Variants in PPFIA2 observed in about 807,000 individuals in gnomAD.
PPFIA2 encodes the protein PPFI scaffold protein A2.
A neutral mutation model predicts 175.5 loss-of-function variants in PPFIA2; 46 were observed. The observed-to-expected ratio is 0.26, with a 90% CI of 0.21 to 0.34. The LOEUF (loss-of-function observed/expected upper bound fraction) is 0.34. Among genes scored for constraint, PPFIA2 ranks in the 10% least tolerant of loss-of-function variants. The pLI is 1.00. For synonymous variants in PPFIA2, 568 were observed against 511.4 expected (o/e 1.11, Z -1.49); for missense variants, 1,179 against 1,506.1 (o/e 0.78, Z 3.60).
chr12:81,441,183 ATAT>A (rs1412686115), intron 6 of PPFIA2, among the ~76,000 whole-genome samples: 1 of 151,860 alleles, frequency 6.6e-6, no homozygotes, highest in Non-Finnish European at 1.5e-5. Context: ...TGGAATTATA[ATAT>A]TATTTTTCCA....
At chr12:81,729,545 A>G (rs1211347224) in intron 3 of PPFIA2, among the ~76,000 whole-genome samples, 1 of 151,600 alleles carries the variant, frequency 6.6e-6, no homozygotes, top group Non-Finnish European at 1.5e-5. Context: ...TGCGGTAAAC[A>G]GAACAGCCCC....
chr12:81,455,653 C>T (rs535445075), intron 5 of PPFIA2, among the ~76,000 whole-genome samples: 6 of 152,162 alleles, frequency 3.9e-5, no homozygotes, highest in East Asian at 3.9e-4. Flanking sequence ...GAAAATTGTA[C>T]GGATTCTGTC....
chr12:81,582,490 G>A (rs565040700), intron 4 of PPFIA2, among the ~76,000 whole-genome samples: 7 of 151,846 alleles, frequency 4.6e-5, no homozygotes, highest in African/African-American at 1.7e-4. Flanking sequence ...AGGCCTGTGA[G>A]TGTATTTGAC....
intron 6 of PPFIA2, among the ~76,000 whole-genome samples, 187 bp from the exon 7 acceptor site, chr12:81,440,233 T>C (rs908382805): frequency 1.3e-5 from 2 of 152,176 alleles, no homozygotes; most frequent in South Asian, 2.1e-4. Context: ...GTATTGTCAC[T>C]GTATCAAGGG....
chr12:81,721,489 G>A (rs975227344), intron 3 of PPFIA2, among the ~76,000 whole-genome samples: 2 of 149,876 alleles, frequency 1.3e-5, no homozygotes, highest in African/African-American at 2.4e-5. Context: ...ACACACATAT[G>A]CATACATCTA....
chr12:81,649,248 A>G (rs2066641025), intron 4 of PPFIA2, among the ~76,000 whole-genome samples: 1 of 152,186 alleles, frequency 6.6e-6, no homozygotes, highest in South Asian at 2.1e-4. Flanking sequence ...AGAACTCTGA[A>G]ACCTCCATAA....
chr12:81,739,324 TG>T (rs969312069), intron 3 of PPFIA2, among the ~76,000 whole-genome samples: 1 of 152,054 alleles, frequency 6.6e-6, no homozygotes, highest in Non-Finnish European at 1.5e-5. Flanking sequence ...CAACATCAAC[TG>T]CCACAGATTA....
intron 4 of PPFIA2, among the ~76,000 whole-genome samples, chr12:81,569,225 A>G (rs1014442781): frequency 2.6e-5 from 4 of 152,136 alleles, no homozygotes; most frequent in Non-Finnish European, 5.9e-5. Context: ...TTTATCTTTA[A>G]CAAATAAAAA....
intron 4 of PPFIA2, among the ~76,000 whole-genome samples, chr12:81,652,163 T>C (rs1026145191): frequency 6.6e-6 from 1 of 150,510 alleles, no homozygotes; most frequent in Non-Finnish European, 1.5e-5. Flanking sequence ...AAATTTGAAA[T>C]TGGCTATTTG....
chr12:81,376,008 G>A, intron 9 of PPFIA2, 66 bp from the exon 10 acceptor site: 1 of 1,392,146 alleles, frequency 7.2e-7, no homozygotes, highest in Non-Finnish European at 9.9e-7. Context: ...TGTCTTGTTA[G>A]TTAAATAAAA....
chr12:81,405,895 G>A lies in PPFIA2; in HGVS notation c.654C>T (p.Ala218=). ...ELAAANQEIV[A]LREQNVHIQR... ...GTATATGAACATTTTGTTCACGCAA[G>A]GCAACAATCTGCAAAATAAAAGCAC... Residue 218 remains alanine, a synonymous_variant, in exon 8 of 33, where the codon GCC becomes GCT. Coordinates refer to ENST00000549396, the MANE Select transcript of PPFIA2 (RefSeq NM_003625.5). The A allele has an allele frequency of 6.4e-7, 1 of 1,556,090 alleles. No individual in the cohort carries two copies. The highest frequency in any genetic ancestry group is 1.2e-5 in the South Asian group (1 of 84,080).
At chr12:81,542,122 G>A (rs2066318410) in intron 4 of PPFIA2, among the ~76,000 whole-genome samples, 1 of 152,106 alleles carries the variant, frequency 6.6e-6, no homozygotes. Flanking sequence ...TTTGAGAAGA[G>A]TTTATTCTGG....
chr12:81,338,540 C>T (rs1186855616), intron 21 of PPFIA2, among the ~76,000 whole-genome samples: 3 of 151,688 alleles, frequency 2.0e-5, no homozygotes, highest in Non-Finnish European at 4.4e-5. Context: ...TATTCTTTTC[C>T]CCACATCCAT....
At chr12:81,524,904 T>A (rs1435788493) in intron 4 of PPFIA2, among the ~76,000 whole-genome samples, 1 of 152,172 alleles carries the variant, frequency 6.6e-6, no homozygotes, top group African/African-American at 2.4e-5. Context: ...GAGATTAGTG[T>A]CCTTATTAAA....
intron 8 of PPFIA2, among the ~76,000 whole-genome samples, chr12:81,398,160 T>G (rs183405294): frequency 6.6e-6 from 1 of 152,084 alleles, no homozygotes; most frequent in African/African-American, 2.4e-5. Flanking sequence ...TCCACAAAAC[T>G]GGTTCCTGTT....
chr12:81,371,781 T>C (rs1315258504), intron 11 of PPFIA2, among the ~76,000 whole-genome samples: 1 of 151,796 alleles, frequency 6.6e-6, no homozygotes, highest in African/African-American at 2.4e-5. Flanking sequence ...GAGCCCAAAG[T>C]AATCTTTATT....
chr12:81,707,499 A>G (rs1361683021), intron 3 of PPFIA2, among the ~76,000 whole-genome samples: 4 of 151,928 alleles, frequency 2.6e-5, no homozygotes, highest in African/African-American at 7.2e-5. Context: ...TTAGAATGGC[A>G]ATCATTAAAA....
intron 7 of PPFIA2, among the ~76,000 whole-genome samples, chr12:81,406,402 A>G (rs1353281971): frequency 6.6e-6 from 1 of 152,136 alleles, no homozygotes; most frequent in East Asian, 1.9e-4. Context: ...GAACTTAAAA[A>G]AAAATTTGTA....
At chr12:81,609,033 G>A (rs184614118) in intron 4 of PPFIA2, among the ~76,000 whole-genome samples, 15 of 151,744 alleles carry the variant, frequency 9.9e-5, no homozygotes, top group African/African-American at 2.7e-4. Flanking sequence ...TTATTTTAAT[G>A]TTCACCCAGG....
Sources: allele counts gnomAD v4.1 joint callset (sites outside exome capture counted in the v4.1 genomes callset), GRCh38; gene constraint gnomAD v4.1.1; transcripts MANE v1.5; gene names NCBI Gene and HGNC (gene_info 2026-07-23, HGNC 2026-07-21).